The following ZMYND11 variants were observed in gnomAD, a reference collection of about 807,000 sequenced individuals.
ZMYND11 encodes the protein zinc finger MYND-type containing 11.
A neutral mutation model predicts 84.9 loss-of-function variants in ZMYND11; 9 were observed. The ratio of observed to expected loss-of-function variants is 0.11; its 90% CI spans 0.06 to 0.18. ZMYND11 has a LOEUF of 0.18. Ranked by LOEUF, ZMYND11 falls within the 10% of genes least tolerant of loss-of-function variation. The pLI, the probability that ZMYND11 is intolerant of heterozygous loss-of-function variation, is 1.00. For synonymous variants in ZMYND11, 250 were observed against 244.1 expected (o/e 1.02, Z -0.23); for missense variants, 409 against 761.0 (o/e 0.54, Z 5.44).
In ZMYND11 at chr10:254,083, GTAAT is replaced by G. The variant is rs1336356976; in HGVS notation, c.*1616_*1619del. The G allele has an allele frequency of 6.6e-6, 1 of 152,492 alleles. No individual in the cohort carries two copies. Among genetic ancestry groups the G allele is most frequent in the Non-Finnish European group, 1.5e-5 (1 of 68,032 alleles). 9.4% of individuals were successfully genotyped at this position (152,492 alleles called of 1,614,324 possible). A position where few individuals can be genotyped will look rare whatever the true frequency, so the allele number is the denominator to read the frequency against. ...ATCATCGTTCCCTCCTTGTTGCTGT[GTAAT>G]TAGTCAGTGTTGCCACAGTGTGTGG... On this transcript the variant is annotated 3_prime_UTR_variant, in exon 15 of 15. Coordinates refer to ENST00000381604, the MANE Select transcript of ZMYND11 (RefSeq NM_001370100.5).
At chr10:194,760 C>T (rs1024399645) in intron 2 of ZMYND11, among the ~76,000 whole-genome samples, 2 of 152,122 alleles carry the variant, frequency 1.3e-5, no homozygotes, top group African/African-American at 2.4e-5. Context: ...TAGTTTATTT[C>T]AGTATTACTG....
chr10:169,933 C>G (rs1844893705), intron 1 of ZMYND11, among the ~76,000 whole-genome samples: 1 of 99,252 alleles, frequency 1.0e-5, no homozygotes, highest in Admixed American at 1.2e-4. Flanking sequence ...AACCAAAGAT[C>G]AAGGAAGTTC....
intron 9 of ZMYND11, among the ~76,000 whole-genome samples, chr10:241,250 A>C (rs1434693837): frequency 6.6e-6 from 1 of 152,114 alleles, no homozygotes; most frequent in Non-Finnish European, 1.5e-5. Flanking sequence ...ATCTCAGCTC[A>C]CCGTAGCCTT....
rs1588697879 is a variant in ZMYND11 at position 180,496 on chromosome 10, TTCAAGTGATTC to T, written c.116+371_116+381del. On this transcript the variant is annotated intron_variant, in intron 2 of 14. Coordinates refer to ENST00000381604, the MANE Select transcript of ZMYND11 (RefSeq NM_001370100.5). ...CTCATGGCAACCTCCGCTTCCCGGG[TTCAAGTGATTC>T]TCCAGCCTCAGCCTCCCAAGTAGCT... 2.0e-5 allele frequency among the ~76,000 whole-genome samples: 3 copies of T among 152,192 alleles called. No individual in the cohort carries two copies. The East Asian group carries it at 5.8e-4, about 29-fold the overall frequency.
At chr10:152,793 A>G (rs1280700659) in intron 1 of ZMYND11, among the ~76,000 whole-genome samples, 1 of 152,216 alleles carries the variant, frequency 6.6e-6, no homozygotes, top group Non-Finnish European at 1.5e-5. Context: ...TTATTCCAAA[A>G]TTGACCACAT....
chr10:204,075 T>G (rs187617238), intron 2 of ZMYND11, among the ~76,000 whole-genome samples: 1 of 152,338 alleles, frequency 6.6e-6, no homozygotes, highest in Admixed American at 6.5e-5. Flanking sequence ...TCCTTCCTTG[T>G]ATGTGTGTTA....
At chr10:195,509 C>T (rs1000371077) in intron 2 of ZMYND11, among the ~76,000 whole-genome samples, 10 of 152,090 alleles carry the variant, frequency 6.6e-5, no homozygotes, top group Non-Finnish European at 1.2e-4. Flanking sequence ...AAACTATAGC[C>T]TCACACATCA....
rs1588615195 is a variant in ZMYND11 at position 169,495 on chromosome 10, AC to A, written c.-19-10497del. On this transcript the variant is annotated intron_variant, in intron 1 of 14. Coordinates refer to ENST00000381604, the MANE Select transcript of ZMYND11 (RefSeq NM_001370100.5). ...ATGGCAGGAATGTTGGAATAATCAG[AC>A]CAGGGGTTATTAAAAACTATGATTA... is the stretch of plus-strand genomic sequence containing the variant. Among the ~76,000 whole-genome samples the A allele has an allele frequency of 2.6e-5, 4 of 152,294 alleles. No homozygotes were observed. The East Asian group carries it at 7.7e-4, about 29-fold the overall frequency.
intron 1 of ZMYND11, among the ~76,000 whole-genome samples, chr10:145,236 G>GTATATA (rs1838522238): frequency 6.6e-6 from 1 of 150,460 alleles, no homozygotes; most frequent in African/African-American, 2.4e-5. Flanking sequence ...GTATATATAT[G>GTATATA]TGTGTGTATG....
At chr10:210,198 A>C in intron 3 of ZMYND11, 150 bp downstream of exon 3, 1 of 817,868 alleles carries the variant, frequency 1.2e-6, no homozygotes, top group Non-Finnish European at 1.9e-6. Flanking sequence ...GGTAGTATGG[A>C]TACTTTCCTT....
At chr10:239,167 G>C (rs1240458489) in intron 6 of ZMYND11, among the ~76,000 whole-genome samples, 1 of 152,178 alleles carries the variant, frequency 6.6e-6, no homozygotes, top group African/African-American at 2.4e-5. Context: ...TGTCAAATGA[G>C]ATGTTCAAGC....
At chr10:191,211 T>C (rs1404550806) in intron 2 of ZMYND11, among the ~76,000 whole-genome samples, 1 of 152,200 alleles carries the variant, frequency 6.6e-6, no homozygotes, top group Non-Finnish European at 1.5e-5. Context: ...CTTTTGTTGA[T>C]AAAGCTTAGG....
At chr10:215,605 T>C (rs1946080990) in intron 3 of ZMYND11, among the ~76,000 whole-genome samples, 1 of 151,588 alleles carries the variant, frequency 6.6e-6, no homozygotes, top group Non-Finnish European at 1.5e-5. Context: ...TCACCCAGCC[T>C]GGAGTACAGT....
At chr10:165,981 G>T (rs1843918050) in intron 1 of ZMYND11, among the ~76,000 whole-genome samples, 1 of 152,082 alleles carries the variant, frequency 6.6e-6, no homozygotes, top group African/African-American at 2.4e-5. Context: ...TTTTTGACAA[G>T]GATGCTAAGT....
intron 2 of ZMYND11, among the ~76,000 whole-genome samples, chr10:188,507 G>A (rs1257927800): frequency 6.6e-6 from 1 of 151,278 alleles, no homozygotes; most frequent in Non-Finnish European, 1.5e-5. Context: ...GAGGGAGGAT[G>A]GCTTGAGCCT....
At chr10:217,307 G>A (rs1946341652) in intron 3 of ZMYND11, among the ~76,000 whole-genome samples, 1 of 152,150 alleles carries the variant, frequency 6.6e-6, no homozygotes, top group South Asian at 2.1e-4. Flanking sequence ...GATTGCCCAA[G>A]CTTAGGAGTT....
intron 2 of ZMYND11, among the ~76,000 whole-genome samples, chr10:184,898 C>CT (rs1474930011): frequency 7.3e-6 from 1 of 136,096 alleles, no homozygotes. Context: ...ATCTTTTCCC[C>CT]GTTTTTTTTT....
In ZMYND11 at chr10:249,101, CT is replaced by C; in HGVS notation, c.1686+19del. On this transcript the variant is annotated intron_variant, in intron 14 of 14. Transcript: ENST00000381604. ...GAAGAAGCAGTGGGTAAATACCAGT[CT>C]TTTTTAGACCCTTATTTCTGAAAAT... is the stretch of plus-strand genomic sequence containing the variant. 1 of 1,614,014 alleles carries C rather than the reference CT, an allele frequency of 6.2e-7. No homozygotes were observed. The highest frequency in any genetic ancestry group is 8.5e-7 in the Non-Finnish European group (1 of 1,180,010).
At chr10:165,265 G>A (rs925090595) in intron 1 of ZMYND11, among the ~76,000 whole-genome samples, 2 of 152,050 alleles carry the variant, frequency 1.3e-5, no homozygotes, top group South Asian at 2.1e-4. Context: ...GCAATATTCT[G>A]TACTTTCTGA....
Sources: allele counts gnomAD v4.1 joint callset (sites outside exome capture counted in the v4.1 genomes callset), GRCh38; gene constraint gnomAD v4.1.1; transcripts MANE v1.5; gene names NCBI Gene and HGNC (gene_info 2026-07-23, HGNC 2026-07-21).